The following RORA variants were observed in gnomAD, a reference collection of about 807,000 sequenced individuals.
RORA encodes the protein RAR related orphan receptor A, also known as nuclear receptor ROR-alpha.
A neutral mutation model predicts 69.5 loss-of-function variants in RORA; 7 were observed. That is an observed-to-expected ratio of 0.10 (90% CI 0.06 to 0.19). The LOEUF (loss-of-function observed/expected upper bound fraction) is 0.19, where lower values mean the gene tolerates loss of function less well. Ranked by LOEUF, RORA falls within the 10% of genes least tolerant of loss-of-function variation. The pLI is 1.00. For missense variants in RORA, 457 were observed against 663.0 expected, an observed-to-expected ratio of 0.69 and a Z score of 3.41; for synonymous variants, 261 against 240.8, an observed-to-expected ratio of 1.08 and a Z score of -0.78.
intron 2 of RORA, chr15:60,592,798 T>G (rs541990871): frequency 1.5e-6 from 1 of 656,830 alleles, no homozygotes; most frequent in Non-Finnish European, 2.3e-6. Flanking sequence ...CCCCTCGCCT[T>G]CGGGATCACC....
intron 1 of RORA, among the ~76,000 whole-genome samples, chr15:60,805,859 T>C (rs1168671549): frequency 6.6e-6 from 1 of 152,180 alleles, no homozygotes; most frequent in African/African-American, 2.4e-5. Flanking sequence ...CTTTTATAGC[T>C]CTATAATATG....
rs1168108311 is a variant in RORA at position 61,013,598 on chromosome 15, A to C, written c.166+215455T>G. Among the ~76,000 whole-genome samples, 6 of 152,224 alleles carry C rather than the reference A, an allele frequency of 3.9e-5. No homozygotes were observed. In the East Asian group the frequency reaches 1.2e-3, roughly 29 times the overall value. ...CCCAAACACCTTGAGCCTGTTACCT[A>C]TTAGGCCAATTTAAAAAATTTCTCT... On this transcript the variant is annotated intron_variant, in intron 1 of 10. Transcript: ENST00000335670.
intron 1 of RORA, among the ~76,000 whole-genome samples, chr15:60,845,316 G>A (rs909732871): frequency 6.6e-6 from 1 of 152,190 alleles, no homozygotes; most frequent in Non-Finnish European, 1.5e-5. Context: ...GTATTCTGAT[G>A]TAGTTAGGTT....
At chr15:60,592,727 T>A (rs963226535) in intron 2 of RORA, 2 of 1,081,742 alleles carry the variant, frequency 1.8e-6, no homozygotes, top group East Asian at 1.0e-4. Flanking sequence ...GCGGCTCTGC[T>A]GGCCCACCCC....
At chr15:61,100,112 CTTTTTTTTT>C (rs911036920) in intron 1 of RORA, among the ~76,000 whole-genome samples, 5 of 119,056 alleles carry the variant, frequency 4.2e-5, no homozygotes, top group Admixed American at 9.0e-5. Context: ...GGTCAATTTT[CTTTTTTTTT>C]TTTTTTTTTT....
At chr15:60,738,039 C>T (rs551033332) in intron 1 of RORA, among the ~76,000 whole-genome samples, 10 of 152,266 alleles carry the variant, frequency 6.6e-5, no homozygotes, top group South Asian at 2.1e-4. Context: ...TGGGAAGAGA[C>T]GCTTGAAAAG....
At chr15:60,592,448 GC>G in intron 2 of RORA, 2 of 1,412,180 alleles carry the variant, frequency 1.4e-6, no homozygotes, top group Non-Finnish European at 1.9e-6. Context: ...CGCAGGGAGA[GC>G]GGATGGTCCG....
intron 1 of RORA, among the ~76,000 whole-genome samples, chr15:60,944,221 C>A (rs1464518417): frequency 1.3e-5 from 2 of 152,126 alleles, no homozygotes; most frequent in East Asian, 1.9e-4. Flanking sequence ...CCTGGGAAGT[C>A]TGATGTAACT....
intron 2 of RORA, among the ~76,000 whole-genome samples, chr15:60,608,509 C>T (rs968758834): frequency 6.6e-5 from 10 of 152,084 alleles, no homozygotes; most frequent in African/African-American, 1.9e-4. Flanking sequence ...GGGACTTGAA[C>T]GGGGGTTTCT....
chr15:61,121,215 T>G (rs2079101303), intron 1 of RORA, among the ~76,000 whole-genome samples: 1 of 152,222 alleles, frequency 6.6e-6, no homozygotes, highest in Non-Finnish European at 1.5e-5. Flanking sequence ...GCAATACTAT[T>G]TTACAGATGA....
intron 1 of RORA, among the ~76,000 whole-genome samples, chr15:60,763,148 G>A (rs949117769): frequency 1.5e-5 from 2 of 135,130 alleles, no homozygotes; most frequent in African/African-American, 5.6e-5. Flanking sequence ...ACTGAGTTGG[G>A]AAAACTGCAC....
At chr15:60,870,165 C>T (rs1014068170) in intron 1 of RORA, among the ~76,000 whole-genome samples, 18 of 152,210 alleles carry the variant, frequency 1.2e-4, no homozygotes, top group Non-Finnish European at 2.4e-4. Context: ...CCACAGCTGG[C>T]TACAGAAACC....
chr15:60,538,121 AAGAG>A (rs1216773188), intron 2 of RORA, among the ~76,000 whole-genome samples: 25 of 152,176 alleles, frequency 1.6e-4, no homozygotes, highest in Admixed American at 1.5e-3. Context: ...AGCCACAAGA[AAGAG>A]AGACTTGGTG....
At chr15:60,658,079 C>CT (rs11420132) in intron 2 of RORA, among the ~76,000 whole-genome samples, 2,546 of 150,956 alleles carry the variant, frequency 0.017, 86 homozygotes, top group African/African-American at 0.059. Flanking sequence ...ATTTTTCTTT[C>CT]TTTTTTTCTT....
intron 1 of RORA, among the ~76,000 whole-genome samples, chr15:60,773,312 C>CT (rs566804718): frequency 1.2e-3 from 185 of 152,008 alleles, no homozygotes; most frequent in African/African-American, 4.2e-3. Context: ...TACTGAAAAC[C>CT]TTTTTTTTCT....
At chr15:61,104,993 G>GCCC (rs751911711) in intron 1 of RORA, among the ~76,000 whole-genome samples, 12 of 140,908 alleles carry the variant, frequency 8.5e-5, no homozygotes, top group African/African-American at 2.1e-4. Context: ...TGATCATGAG[G>GCCC]CGCCCCCCCC....
chr15:60,615,551 G>T (rs961666945), intron 2 of RORA, among the ~76,000 whole-genome samples: 1 of 152,150 alleles, frequency 6.6e-6, no homozygotes, highest in Admixed American at 6.5e-5. Context: ...TGGGATTTGC[G>T]TTTACCCAGC....
intron 2 of RORA, among the ~76,000 whole-genome samples, chr15:60,544,279 G>A (rs1235253910): frequency 1.3e-5 from 2 of 152,138 alleles, no homozygotes; most frequent in African/African-American, 4.8e-5. Flanking sequence ...TCTTTTTATG[G>A]CAAAACCCAG....
At chr15:60,717,796 C>CTTTTTTTTTTTTTTTT (rs10653856) in intron 1 of RORA, among the ~76,000 whole-genome samples, 14 of 91,982 alleles carry the variant, frequency 1.5e-4, no homozygotes, top group Non-Finnish European at 2.0e-4. Context: ...TTCTTTTTCT[C>CTTTTTTTTTTTTTTTT]TTTTTTTTTT....
Sources: allele counts gnomAD v4.1 joint callset (sites outside exome capture counted in the v4.1 genomes callset), GRCh38; gene constraint gnomAD v4.1.1; transcripts MANE v1.5; gene names NCBI Gene and HGNC (gene_info 2026-07-23, HGNC 2026-07-21).